The following SMC5 variants were observed in gnomAD, a reference collection of about 807,000 sequenced individuals.
SMC5 encodes the protein structural maintenance of chromosomes protein 5.
A neutral mutation model predicts 148.3 loss-of-function variants in SMC5; 88 were observed. The observed-to-expected ratio is 0.59, with a 90% CI of 0.50 to 0.71. The LOEUF (loss-of-function observed/expected upper bound fraction) is 0.71. Ranked by LOEUF, SMC5 falls within the 30% of genes least tolerant of loss-of-function variation. The pLI, the probability that SMC5 is intolerant of heterozygous loss-of-function variation, is 0.00. For synonymous variants in SMC5, 421 were observed against 432.8 expected (o/e 0.97, Z 0.34); for missense variants, 1,142 against 1,298.9 (o/e 0.88, Z 1.86).
intron 1 of SMC5, among the ~76,000 whole-genome samples, chr9:70,262,648 GTTA>G (rs2034171363): frequency 6.6e-6 from 1 of 152,150 alleles, no homozygotes; most frequent in South Asian, 2.1e-4. Context: ...TTCAAATAGC[GTTA>G]TTGAGGTGAC....
chr9:70,334,148 C>G (rs931508266), intron 17 of SMC5, among the ~76,000 whole-genome samples: 1 of 137,784 alleles, frequency 7.3e-6, no homozygotes, highest in African/African-American at 2.8e-5. Flanking sequence ...TTTTTTTTGA[C>G]AAAGATGCCC....
Position 70,280,836 on chromosome 9 carries a change from G to T in SMC5, c.756G>T (p.Arg252Ser). Residue 252 changes from arginine to serine, a missense_variant, in exon 6 of 25, where the codon AGG becomes AGT. By Grantham distance (110) the Arg-to-Ser change is moderately radical. Around this residue, in one of 5 missense-constraint regions of SMC5, gnomAD observed 297 missense variants for 302.6 expected, o/e 0.98. Coordinates refer to ENST00000361138, the MANE Select transcript of SMC5 (RefSeq NM_015110.4). Reference sequence around the variant, plus strand: ...AAAGATATAAACAAGATGTGGAGAGGTTCTATGAACGGAAGCGACATTTAG... The same window carrying T: ...AAAGATATAAACAAGATGTGGAGAGTTTCTATGAACGGAAGCGACATTTAG... ...RNERYKQDVE[R>S]FYERKRHLDL... is the part of the protein sequence containing the mutation. The T allele has an allele frequency of 6.2e-7, 1 of 1,614,018 alleles. No homozygotes were observed. The highest frequency in any genetic ancestry group is 8.5e-7 in the Non-Finnish European group (1 of 1,179,972).
rs1334863088 is a variant in SMC5, at chr9:70,314,840, A to C, written c.1673+4A>C. 6.9e-7 allele frequency: 1 copy of C among 1,451,350 alleles called. No homozygotes were observed. The highest frequency in any genetic ancestry group is 1.4e-5 in the African/African-American group (1 of 69,868). 89.9% of individuals were successfully genotyped at this position (1,451,350 alleles called of 1,614,324 possible). On this transcript the variant is annotated splice_donor_region_variant and intron_variant, in intron 12 of 24. Coordinates refer to ENST00000361138, the MANE Select transcript of SMC5 (RefSeq NM_015110.4). ...CAAGATCTTTGAATGAACTTAAGTA[A>C]GTCTTGAAAATACTAAGATTTATTT...
chr9:70,318,739 T>C, intron 14 of SMC5, 52 bp downstream of exon 14: 1 of 1,557,150 alleles, frequency 6.4e-7, no homozygotes, highest in Non-Finnish European at 8.6e-7. Context: ...GGATTTCTAA[T>C]AGTTTCACTG....
At chr9:70,333,604 G>T (rs1164326541) in intron 17 of SMC5, among the ~76,000 whole-genome samples, 1 of 152,176 alleles carries the variant, frequency 6.6e-6, no homozygotes, top group Non-Finnish European at 1.5e-5. Flanking sequence ...GGTGGCACAT[G>T]CCTGTAATCC....
At chr9:70,278,199 C>G (rs1029833059) in intron 4 of SMC5, among the ~76,000 whole-genome samples, 1 of 151,820 alleles carries the variant, frequency 6.6e-6, no homozygotes, top group African/African-American at 2.4e-5. Context: ...AGACAGTGAT[C>G]ATTTTCATCT....
intron 11 of SMC5, among the ~76,000 whole-genome samples, chr9:70,313,170 G>C (rs2035702961): frequency 6.6e-6 from 1 of 151,856 alleles, no homozygotes; most frequent in Non-Finnish European, 1.5e-5. Flanking sequence ...CATGTTTTTG[G>C]CATGAAGTTT....
chr9:70,299,655 C>A (rs1357527611), intron 9 of SMC5, among the ~76,000 whole-genome samples: 1 of 150,146 alleles, frequency 6.7e-6, no homozygotes, highest in Non-Finnish European at 1.5e-5. Flanking sequence ...CTTATTTCAT[C>A]ATCCCCCCCC....
At chr9:70,275,272 ATGATCATGACTCACTGCAT>A (rs2034557243) in intron 3 of SMC5, among the ~76,000 whole-genome samples, 1 of 152,060 alleles carries the variant, frequency 6.6e-6, no homozygotes, top group Admixed American at 6.6e-5. Flanking sequence ...TCACCCTGTC[ATGATCATGACTCACTGCAT>A]CCTTGACCTC....
chr9:70,267,334 G>A (rs1285085399), intron 2 of SMC5, among the ~76,000 whole-genome samples: 1 of 152,068 alleles, frequency 6.6e-6, no homozygotes, highest in Non-Finnish European at 1.5e-5. Context: ...TTCGGACTTA[G>A]ACTCATAAGC....
In SMC5 at chr9:70,323,480, C is replaced by G; in HGVS notation, c.2151-3C>G. On this transcript the variant is annotated splice_polypyrimidine_tract_variant and splice_region_variant and intron_variant, in intron 15 of 24. Coordinates refer to ENST00000361138, the MANE Select transcript of SMC5 (RefSeq NM_015110.4). ...TTTCTTCATTATTATATGTGTCATA[C>G]AGTTTAAAGCTGATGGAACAGGATA... 1 of 1,601,246 alleles carries G rather than the reference C, an allele frequency of 6.2e-7. No homozygotes were observed. Among genetic ancestry groups the G allele is most frequent in the Non-Finnish European group, 8.5e-7 (1 of 1,176,454 alleles).
chr9:70,306,261 T>G (rs1000170124), intron 11 of SMC5, among the ~76,000 whole-genome samples: 1 of 152,196 alleles, frequency 6.6e-6, no homozygotes, highest in Non-Finnish European at 1.5e-5. Context: ...TTAAAGAATT[T>G]TTTTAATTGG....
intron 3 of SMC5, among the ~76,000 whole-genome samples, chr9:70,276,850 G>A (rs2034605949): frequency 6.6e-6 from 1 of 152,158 alleles, no homozygotes; most frequent in Admixed American, 6.5e-5. Context: ...ACCTGTATGG[G>A]TAGTTTTGAT....
At chr9:70,318,438 G>A (rs1052132451) in intron 13 of SMC5, 76 bp from the exon 14 acceptor site, 2 of 1,182,938 alleles carry the variant, frequency 1.7e-6, no homozygotes, top group South Asian at 2.1e-5. Context: ...AATTCACTTG[G>A]TCTGTATTTC....
In SMC5 at chr9:70,278,626, G is replaced by A; in HGVS notation, c.678+1G>A. On this transcript the variant is annotated splice_donor_variant, in intron 5 of 24. Coordinates refer to ENST00000361138, the MANE Select transcript of SMC5 (RefSeq NM_015110.4). LOFTEE classifies it high-confidence loss of function. ...AAGGGAGAAAGAAAAACAGCTCGAG[G>A]TACTTTAAATAGACAACTCATTTGT... is the stretch of plus-strand genomic sequence containing the variant. 6.3e-7 allele frequency: 1 copy of A among 1,597,292 alleles called. No homozygotes were observed.
chr9:70,322,509 A>G (rs1346562253), intron 15 of SMC5, among the ~76,000 whole-genome samples: 1 of 152,102 alleles, frequency 6.6e-6, no homozygotes, highest in East Asian at 1.9e-4. Flanking sequence ...TGCAAAATTT[A>G]TTTTCTTTGC....
chr9:70,330,153 C>A (rs934985880), intron 17 of SMC5, among the ~76,000 whole-genome samples: 7 of 152,098 alleles, frequency 4.6e-5, no homozygotes, highest in African/African-American at 1.7e-4. Context: ...TTAAAAAAAT[C>A]AAATTGCAGT....
Position 70,352,379 on chromosome 9 carries a change from TTATA to T in SMC5, c.*49_*52del, listed in dbSNP as rs780752946. 1.3e-6 allele frequency: 2 copies of T among 1,538,284 alleles called. No individual in the cohort carries two copies. Among genetic ancestry groups the T allele is most frequent in the Non-Finnish European group, 8.8e-7 (1 of 1,139,056 alleles). On this transcript the variant is annotated 3_prime_UTR_variant, in exon 25 of 25. Transcript: ENST00000361138. ...GGGAATTTTTTTTGTTAAATTCTGT[TTATA>T]AGTATGGCTCAACTGAATAAAAGGA...
chr9:70,272,494 T>A (rs10868797), intron 3 of SMC5, among the ~76,000 whole-genome samples: 74,861 of 151,906 alleles, frequency 0.49, 21,054 homozygotes, highest in Non-Finnish European at 0.62. Context: ...GGCGGGAGGA[T>A]TGCTTGAACT....
Sources: allele counts gnomAD v4.1 joint callset (sites outside exome capture counted in the v4.1 genomes callset), GRCh38; gene constraint gnomAD v4.1.1; regional missense constraint gnomAD v4.1.1; transcripts MANE v1.5; gene names NCBI Gene and HGNC (gene_info 2026-07-23, HGNC 2026-07-21).